The following RIMKLB variants were observed in gnomAD, a reference collection of about 807,000 sequenced individuals.
RIMKLB encodes the protein beta-citrylglutamate synthase B.
A neutral mutation model predicts 32.0 loss-of-function variants in RIMKLB; 7 were observed. The ratio of observed to expected loss-of-function variants is 0.22; its 90% CI spans 0.12 to 0.41. RIMKLB has a LOEUF of 0.41. RIMKLB is among the 10% of genes least tolerant of loss of function. The probability of loss-of-function intolerance (pLI) is 1.00; values close to 1 mark genes in which losing one functional copy is unlikely to be tolerated. For synonymous variants in RIMKLB, 172 were observed against 185.1 expected (o/e 0.93, Z 0.57); for missense variants, 289 against 498.7 (o/e 0.58, Z 4.00).
intron 1 of RIMKLB, among the ~76,000 whole-genome samples, chr12:8,699,214 T>C (rs911777416): frequency 6.6e-6 from 1 of 152,308 alleles, no homozygotes. Flanking sequence ...TGGAGTTAGG[T>C]TCAACTCTAA....
intron 3 of RIMKLB, among the ~76,000 whole-genome samples, 176 bp downstream of exon 3, chr12:8,750,268 G>T (rs1390183704): frequency 1.3e-5 from 2 of 152,106 alleles, no homozygotes; most frequent in Admixed American, 6.5e-5. Context: ...GGAAAATAGG[G>T]TTAGAAAACT....
intron 2 of RIMKLB, among the ~76,000 whole-genome samples, chr12:8,727,914 AATCT>A (rs1243269326): frequency 6.6e-6 from 1 of 151,696 alleles, no homozygotes; most frequent in Non-Finnish European, 1.5e-5. Context: ...AAAAAAAAAA[AATCT>A]AGTATTTTTG....
At chr12:8,768,892 CATTCTT>C (rs1361159249) in intron 5 of RIMKLB, among the ~76,000 whole-genome samples, 1 of 152,100 alleles carries the variant, frequency 6.6e-6, no homozygotes, top group Non-Finnish European at 1.5e-5. Flanking sequence ...TCTTTATTGT[CATTCTT>C]ATTCTTGTCA....
At chr12:8,714,332 C>G (rs1366145311) in intron 2 of RIMKLB, among the ~76,000 whole-genome samples, 2 of 152,078 alleles carry the variant, frequency 1.3e-5, no homozygotes, top group African/African-American at 4.8e-5. Flanking sequence ...TCACTTGAAC[C>G]CACAAGTTCG....
intron 2 of RIMKLB, among the ~76,000 whole-genome samples, chr12:8,716,554 T>C (rs1045284393): frequency 6.8e-6 from 1 of 146,996 alleles, no homozygotes; most frequent in Non-Finnish European, 1.5e-5. Flanking sequence ...CTATCATGGC[T>C]TCATTTTTTT....
intron 4 of RIMKLB, among the ~76,000 whole-genome samples, chr12:8,753,338 G>A (rs990924123): frequency 6.6e-6 from 1 of 152,172 alleles, no homozygotes; most frequent in African/African-American, 2.4e-5. Context: ...TCAGCCAGAA[G>A]TGACATAGAT....
At chr12:8,718,667 ATATGTGTGTGTGTGTGTGTGTGTG>A (rs1305428254) in intron 2 of RIMKLB, among the ~76,000 whole-genome samples, 6 of 132,670 alleles carry the variant, frequency 4.5e-5, no homozygotes, top group Non-Finnish European at 7.8e-5. Context: ...ATATATATAT[ATATGTGTGTGTGTGTGTGTGTGTG>A]TGTGTGTGTG....
intron 2 of RIMKLB, among the ~76,000 whole-genome samples, chr12:8,724,250 C>T (rs931267769): frequency 5.3e-5 from 8 of 151,990 alleles, no homozygotes; most frequent in African/African-American, 1.4e-4. Context: ...CTGTAAAATT[C>T]GTTTGATTTT....
chr12:8,747,948 G>T (rs952618356), intron 2 of RIMKLB, among the ~76,000 whole-genome samples: 14 of 151,948 alleles, frequency 9.2e-5, no homozygotes, highest in African/African-American at 3.1e-4. Flanking sequence ...TAGAGATGGG[G>T]TTTCACCATG....
At chr12:8,674,513 A>G in the RIMKLB span, among the ~76,000 whole-genome samples, 1 of 151,282 alleles carries the variant, frequency 6.6e-6, no homozygotes, top group South Asian at 2.1e-4. Context: ...TGCTGGGATT[A>G]TAGGCGTGAG....
upstream of RIMKLB, chr12:8,678,955 T>G (rs995875115): frequency 6.6e-6 from 1 of 152,212 alleles, no homozygotes; most frequent in Non-Finnish European, 1.5e-5. Flanking sequence ...CTTGGTCAGG[T>G]TAGGAATTCC....
chr12:8,765,478 T>G (rs1018001992), intron 5 of RIMKLB, among the ~76,000 whole-genome samples: 2 of 152,200 alleles, frequency 1.3e-5, no homozygotes, highest in South Asian at 4.1e-4. Flanking sequence ...TTGGTGTTAG[T>G]GTCTGATTTA....
At chr12:8,696,938 T>G (rs777024558), upstream of RIMKLB, among the ~76,000 whole-genome samples, 1 of 152,312 alleles carries the variant, frequency 6.6e-6, no homozygotes, top group East Asian at 1.9e-4. Flanking sequence ...ATCTTCCATG[T>G]AAACCTGGGA....
At chr12:8,756,029 T>C (rs1948992380) in intron 5 of RIMKLB, among the ~76,000 whole-genome samples, 1 of 151,774 alleles carries the variant, frequency 6.6e-6, no homozygotes, top group South Asian at 2.1e-4. Context: ...GGCACATTCC[T>C]GTTTAGTCCC....
chr12:8,740,633 T>C (rs1276980292), intron 2 of RIMKLB, among the ~76,000 whole-genome samples: 3 of 152,246 alleles, frequency 2.0e-5, no homozygotes, highest in Non-Finnish European at 2.9e-5. Context: ...AAAATAATGG[T>C]CTCCAACTCC....
At chr12:8,731,585 T>A (rs75757686) in intron 2 of RIMKLB, among the ~76,000 whole-genome samples, 2,087 of 152,274 alleles carry the variant, frequency 0.014, 43 homozygotes, top group African/African-American at 0.045. Context: ...CTTTGCTGTG[T>A]GCCTGGAAAT....
chr12:8,754,693 A>C (rs1948873615), intron 5 of RIMKLB, among the ~76,000 whole-genome samples: 1 of 152,136 alleles, frequency 6.6e-6, no homozygotes, highest in African/African-American at 2.4e-5. Context: ...TTATATAAGG[A>C]ATTGCTTACT....
Position 8,775,915 on chromosome 12 carries a change from T to G in RIMKLB, c.*2131T>G, listed in dbSNP as rs1950699887. ...ACATATATTAATACCTCTGACTCAT[T>G]AACAGAAAGAAATACTTGGTACTTC... is the stretch of plus-strand genomic sequence containing the variant. On this transcript the variant is annotated 3_prime_UTR_variant, in exon 6 of 6. Coordinates refer to ENST00000535829, the MANE Select transcript of RIMKLB (RefSeq NM_001297776.2). The G allele has an allele frequency of 1.0e-6, 1 of 985,090 alleles. No homozygotes were observed. Among genetic ancestry groups the G allele is most frequent in the Non-Finnish European group, 1.2e-6 (1 of 829,604 alleles). The allele number at this position is 985,090 out of a possible 1,614,324, so 61.0% of individuals were successfully genotyped here. A position where few individuals can be genotyped will look rare whatever the true frequency, so the allele number is the denominator to read the frequency against.
Position 8,775,378 on chromosome 12 carries a change from T to TG in RIMKLB, c.*1597dup. On this transcript the variant is annotated 3_prime_UTR_variant, in exon 6 of 6. Transcript: ENST00000535829. The stretch of plus-strand genomic sequence containing the variant: ...GCATATAATATGAGCCTTTAAAACA[T>TG]GGGTAAAACTAATCCCATTGATGGG... 1.0e-6 allele frequency: 1 copy of TG among 985,418 alleles called. No homozygotes were observed. Among genetic ancestry groups the TG allele is most frequent in the African/African-American group, 1.7e-5 (1 of 57,342 alleles). The allele number at this position is 985,418 out of a possible 1,614,324, so 61.0% of individuals were successfully genotyped here.
Sources: allele counts gnomAD v4.1 joint callset (sites outside exome capture counted in the v4.1 genomes callset), GRCh38; gene constraint gnomAD v4.1.1; transcripts MANE v1.5; gene names NCBI Gene and HGNC (gene_info 2026-07-23, HGNC 2026-07-21).